PRKCG: variants seen among roughly 807,000 people sequenced by gnomAD.
PRKCG encodes protein kinase C gamma type.
Under a neutral mutation model 82.0 loss-of-function variants are expected in PRKCG, and 28 were observed. The observed-to-expected ratio is 0.34, with a 90% confidence interval of 0.25 to 0.47. PRKCG has a LOEUF of 0.47. PRKCG is among the 20% of genes least tolerant of loss of function. The pLI, the probability that PRKCG is intolerant of heterozygous loss-of-function variation, is 1.00. For missense variants in PRKCG, 640 were observed against 952.7 expected (o/e 0.67, Z 4.32); for synonymous variants, 383 against 376.6 (o/e 1.02, Z -0.20).
Position 53,907,210 on chromosome 19 carries a change from A to T in PRKCG, c.*315A>T. ...CATCCCCAACTCCATGGGGTTCGAG[A>T]CTCCATCTTGGTAGTTCTGTGCCTC... On this transcript the variant is annotated 3_prime_UTR_variant, in exon 18 of 18. Coordinates refer to ENST00000263431, the MANE Select transcript of PRKCG (RefSeq NM_002739.5). 2.2e-6 allele frequency: 1 copy of T among 459,802 alleles called. No individual in the cohort carries two copies. The allele number at this position is 459,802 out of a possible 1,614,324, so 28.5% of individuals were successfully genotyped here. A position where few individuals can be genotyped will look rare whatever the true frequency, so the allele number is the denominator to read the frequency against.
rs1037810782 is a variant in PRKCG at position 53,883,804 on chromosome 19, T to C, written c.203-357T>C. On this transcript the variant is annotated intron_variant, in intron 2 of 17. Transcript: ENST00000263431. This position sits in a 1 kb window ranked among gnomAD's most constrained non-coding sequence, Gnocchi z 5.4. The stretch of plus-strand genomic sequence containing the variant: ...TTTCGGTTTTCGCTCTTTGAATCTG[T>C]CTGCCTCTCTCCTGGCTTTCTGATC... Among the ~76,000 whole-genome samples the C allele has an allele frequency of 3.9e-5, 6 of 152,226 alleles. No homozygotes were observed. Among genetic ancestry groups the C allele is most frequent in the Admixed American group, 1.3e-4 (2 of 15,288 alleles).
At position 53,882,231 on chromosome 19, in the gene PRKCG, C is replaced by G; in HGVS notation, c.-264C>G. ...CAGGTGCCGGAGCTGGAGCTCCCAC[C>G]GCCGCCGCCCGTGCCTCCGGCTGCC... On this transcript the variant is annotated 5_prime_UTR_variant, in exon 1 of 18. Coordinates refer to ENST00000263431, the MANE Select transcript of PRKCG (RefSeq NM_002739.5). This position sits in a 1 kb window ranked among gnomAD's most constrained non-coding sequence, Gnocchi z 6.1. The G allele has an allele frequency of 1.9e-6, 1 of 519,388 alleles. No homozygotes were observed. The highest frequency in any genetic ancestry group is 3.5e-6 in the Non-Finnish European group (1 of 284,876). The allele number at this position is 519,388 out of a possible 1,614,324, so 32.2% of individuals were successfully genotyped here.
Position 53,892,849 on chromosome 19 carries a change from C to T in PRKCG, c.822-139C>T, listed in dbSNP as rs1353378873. 4.7e-6 allele frequency: 5 copies of T among 1,068,706 alleles called. No homozygotes were observed. The highest frequency in any genetic ancestry group is 1.6e-5 in the African/African-American group (1 of 63,744). 66.2% of individuals were successfully genotyped at this position (1,068,706 alleles called of 1,614,324 possible). ...TTCTCCCCTCCCTTTCTCCCTCTCCCTCTCTTTTTATCTCACTCTTTCTCT... is the reference window on the plus strand; with the variant it reads ...TTCTCCCCTCCCTTTCTCCCTCTCCTTCTCTTTTTATCTCACTCTTTCTCT... On this transcript the variant is annotated intron_variant, in intron 7 of 17. Coordinates refer to ENST00000263431, the MANE Select transcript of PRKCG (RefSeq NM_002739.5). The surrounding 1 kb of genome is among the most constrained non-coding windows in gnomAD (Gnocchi z 5.9).
chr19:53,895,154 G>C (rs115625244), intron 9 of PRKCG, among the ~76,000 whole-genome samples: 3,117 of 152,238 alleles, frequency 0.02, 58 homozygotes, highest in African/African-American at 0.048. Flanking sequence ...AAACAAAAAA[G>C]TTCCTTTCCT....
intron 5 of PRKCG, 151 bp from the exon 6 acceptor site, chr19:53,891,523 C>T: frequency 4.6e-6 from 4 of 872,152 alleles, no homozygotes; most frequent in Non-Finnish European, 7.6e-6. Flanking sequence ...ACCTTGTGAT[C>T]CGCCCGCCTT....
chr19:53,888,952 G>T (rs2068651356), intron 3 of PRKCG, among the ~76,000 whole-genome samples: 1 of 150,318 alleles, frequency 6.7e-6, no homozygotes, highest in Non-Finnish European at 1.5e-5. Flanking sequence ...ACACAGTTTT[G>T]TTGTTGTTGT....
chr19:53,904,580 T>A, intron 15 of PRKCG, 55 bp from the exon 16 acceptor site: 1 of 1,519,318 alleles, frequency 6.6e-7, no homozygotes, highest in Admixed American at 1.8e-5. Context: ...TGTGGAAGGT[T>A]TGGGGAAAGG....
rs1486853418 is a variant in PRKCG at position 53,907,324 on chromosome 19, C to A, written c.*429C>A. The A allele has an allele frequency of 7.4e-6, 2 of 268,894 alleles. No individual in the cohort carries two copies. The highest frequency in any genetic ancestry group is 4.4e-5 in the African/African-American group (2 of 45,266). The allele number at this position is 268,894 out of a possible 1,614,324, so 16.7% of individuals were successfully genotyped here. A position where few individuals can be genotyped will look rare whatever the true frequency, so the allele number is the denominator to read the frequency against. On this transcript the variant is annotated 3_prime_UTR_variant, in exon 18 of 18. Coordinates refer to ENST00000263431, the MANE Select transcript of PRKCG (RefSeq NM_002739.5). ...GAACAGCCCTCGGCCTCCGAGGCTC[C>A]CCGCCTCCACTCTAGTTCTAGATGA...
rs777045504 is a variant in PRKCG at position 53,882,402 on chromosome 19, C to T, written c.-93C>T. The T allele has an allele frequency of 6.5e-7, 1 of 1,532,230 alleles. No individual in the cohort carries two copies. The highest frequency in any genetic ancestry group is 8.8e-7 in the Non-Finnish European group (1 of 1,132,902). The allele number at this position is 1,532,230 out of a possible 1,614,324, so 94.9% of individuals were successfully genotyped here. ...TGCCCACCTCGGAATTTCCCTGTGG[C>T]TCCTTTGATCCTTCGAGTCTCCAGC... is the stretch of plus-strand genomic sequence containing the variant. On this transcript the variant is annotated 5_prime_UTR_variant, in exon 1 of 18. Coordinates refer to ENST00000263431, the MANE Select transcript of PRKCG (RefSeq NM_002739.5). This position sits in a 1 kb window ranked among gnomAD's most constrained non-coding sequence, Gnocchi z 6.1.
At chr19:53,902,279 T>C (rs570732476) in intron 14 of PRKCG, among the ~76,000 whole-genome samples, 1 of 152,112 alleles carries the variant, frequency 6.6e-6, no homozygotes, top group East Asian at 1.9e-4. Context: ...CTGGACATGG[T>C]GATGTGTGCC....
Position 53,906,974 on chromosome 19 carries a change from C to T in PRKCG, c.*79C>T. 6.3e-7 allele frequency: 1 copy of T among 1,595,952 alleles called. No individual in the cohort carries two copies. The highest frequency in any genetic ancestry group is 1.1e-5 in the South Asian group (1 of 89,466). ...AGCCCCACTTCACCCCCAACTTCACCACCCCCTGTCCCATTCTAGATCCTG... is the reference window on the plus strand; with the variant it reads ...AGCCCCACTTCACCCCCAACTTCACTACCCCCTGTCCCATTCTAGATCCTG... On this transcript the variant is annotated 3_prime_UTR_variant, in exon 18 of 18. Coordinates refer to ENST00000263431, the MANE Select transcript of PRKCG (RefSeq NM_002739.5).
chr19:53,883,108 G>A lies in PRKCG; in HGVS notation c.171-55G>A. 6.2e-7 allele frequency: 1 copy of A among 1,609,602 alleles called. No homozygotes were observed. On this transcript the variant is annotated intron_variant, in intron 1 of 17. Coordinates refer to ENST00000263431, the MANE Select transcript of PRKCG (RefSeq NM_002739.5). This position sits in a 1 kb window ranked among gnomAD's most constrained non-coding sequence, Gnocchi z 5.4. ...CGCAGGCCCCCTGTGGCTCGCAGAG[G>A]TTGGGGGTCCAGGTACCCCTTTCTG... is the stretch of plus-strand genomic sequence containing the variant.
At chr19:53,891,949 A>G in intron 6 of PRKCG, 119 bp downstream of exon 6, 3 of 1,305,984 alleles carry the variant, frequency 2.3e-6, no homozygotes, top group Non-Finnish European at 3.3e-6. Context: ...AGAAAAGGGC[A>G]GAAGAAGATG....
Position 53,882,375 on chromosome 19 carries a change from C to A in PRKCG, c.-120C>A, listed in dbSNP as rs748227994. 2.1e-5 allele frequency: 30 copies of A among 1,463,336 alleles called. No individual in the cohort carries two copies. Among genetic ancestry groups the A allele is most frequent in the Non-Finnish European group, 2.8e-5 (30 of 1,073,236 alleles). 90.6% of individuals were successfully genotyped at this position (1,463,336 alleles called of 1,614,324 possible). A position where few individuals can be genotyped will look rare whatever the true frequency, so the allele number is the denominator to read the frequency against. On this transcript the variant is annotated 5_prime_UTR_variant, in exon 1 of 18. Coordinates refer to ENST00000263431, the MANE Select transcript of PRKCG (RefSeq NM_002739.5). The surrounding 1 kb of genome is among the most constrained non-coding windows in gnomAD (Gnocchi z 6.1). Reference sequence around the variant, plus strand: ...GCACCTGGAGGTGCCTTGCCCCTCTCCTGCCCACCTCGGAATTTCCCTGTG... The same window carrying A: ...GCACCTGGAGGTGCCTTGCCCCTCTACTGCCCACCTCGGAATTTCCCTGTG...
At position 53,892,664 on chromosome 19, in the gene PRKCG, CT is replaced by C; in HGVS notation, c.821+22del. 1 of 1,606,744 alleles carries C rather than the reference CT, an allele frequency of 6.2e-7. No homozygotes were observed. The highest frequency in any genetic ancestry group is 8.5e-7 in the Non-Finnish European group (1 of 1,178,654). ...GGCTGGTGAGGAGCAGGGCTGGGGCCTGGGGATGGAGCGCAATATTACCATC... is the reference window on the plus strand; with the variant it reads ...GGCTGGTGAGGAGCAGGGCTGGGGCCGGGGATGGAGCGCAATATTACCATC... On this transcript the variant is annotated intron_variant, in intron 7 of 17. Transcript: ENST00000263431. This position sits in a 1 kb window ranked among gnomAD's most constrained non-coding sequence, Gnocchi z 5.9.
rs780941832 is a variant in PRKCG at position 53,890,027 on chromosome 19, C to T, written c.529+10C>T. ...GAGATCCACGTAACTGGTGAGGCCCCGCCCCCTCGCCTGGCCCCGCCCCCT... is the reference window on the plus strand; with the variant it reads ...GAGATCCACGTAACTGGTGAGGCCCTGCCCCCTCGCCTGGCCCCGCCCCCT... On this transcript the variant is annotated intron_variant, in intron 5 of 17. Transcript: ENST00000263431. The T allele has an allele frequency of 4.5e-6, 7 of 1,552,860 alleles. No homozygotes were observed. Among genetic ancestry groups the T allele is most frequent in the Non-Finnish European group, 4.3e-6 (5 of 1,151,468 alleles).
At chr19:53,905,782 C>T (rs1426732218) in intron 16 of PRKCG, among the ~76,000 whole-genome samples, 2 of 133,650 alleles carry the variant, frequency 1.5e-5, no homozygotes, top group Non-Finnish European at 3.2e-5. Context: ...CCCCTTCCCT[C>T]TCTCCCCCTA....
chr19:53,883,050 A>T lies in PRKCG; in HGVS notation c.171-113A>T. 7.2e-7 allele frequency: 1 copy of T among 1,382,840 alleles called. No homozygotes were observed. Among genetic ancestry groups the T allele is most frequent in the Non-Finnish European group, 1.0e-6 (1 of 972,902 alleles). The allele number at this position is 1,382,840 out of a possible 1,614,324, so 85.7% of individuals were successfully genotyped here. ...GAAAGAGGAGGTGGCCGGGGCTTGG[A>T]CACCTGGGCCCTGCGGGAGGAGGGT... On this transcript the variant is annotated intron_variant, in intron 1 of 17. Coordinates refer to ENST00000263431, the MANE Select transcript of PRKCG (RefSeq NM_002739.5). The surrounding 1 kb of genome is among the most constrained non-coding windows in gnomAD (Gnocchi z 5.4).
At position 53,906,451 on chromosome 19, in the gene PRKCG, C is replaced by T. The variant is rs367543219; in HGVS notation, c.1899C>T (p.Pro633=). The T allele has an allele frequency of 3.6e-5, 56 of 1,574,982 alleles. No individual in the cohort carries two copies. Among genetic ancestry groups the T allele is most frequent in the Non-Finnish European group, 4.8e-5 (56 of 1,159,732 alleles). ...ERLEIPPPFR[P]RPCGRSGENF... ...TGGAGATCCCGCCTCCTTTCAGACC[C>T]CGCCCGGTCAGTCACCCTCCAGGCA... is the stretch of plus-strand genomic sequence containing the variant. Residue 633 remains proline (P), a synonymous_variant, in exon 17 of 18, where the codon CCC becomes CCT. Coordinates refer to ENST00000263431, the MANE Select transcript of PRKCG (RefSeq NM_002739.5).
Sources: allele counts gnomAD v4.1 joint callset (sites outside exome capture counted in the v4.1 genomes callset), GRCh38; gene constraint gnomAD v4.1.1; non-coding constraint Gnocchi (gnomAD v3.1); transcripts MANE v1.5; gene names NCBI Gene and HGNC (gene_info 2026-07-23, HGNC 2026-07-21).